Variants in ANKRD44 observed in about 807,000 individuals in gnomAD.
ANKRD44 encodes serine/threonine-protein phosphatase 6 regulatory ankyrin repeat subunit B.
A neutral mutation model predicts 116.0 loss-of-function variants in ANKRD44; 35 were observed. The observed-to-expected ratio is 0.30, with a 90% CI of 0.23 to 0.40. ANKRD44 has a LOEUF of 0.40. ANKRD44 is among the 10% of genes least tolerant of loss of function. The pLI, the probability that ANKRD44 is intolerant of heterozygous loss-of-function variation, is 1.00. For synonymous variants in ANKRD44, 435 were observed against 461.8 expected, an observed-to-expected ratio of 0.94 and a Z score of 0.74; for missense variants, 1,014 against 1,242.6, an observed-to-expected ratio of 0.82 and a Z score of 2.77.
At chr2:197,006,136 AC>A (rs2076197805) in intron 20 of ANKRD44, among the ~76,000 whole-genome samples, 1 of 152,190 alleles carries the variant, frequency 6.6e-6, no homozygotes, top group African/African-American at 2.4e-5. Context: ...GCCTCTCCTG[AC>A]AACTGTGAAA....
At chr2:197,173,500 G>C (rs2125550868) in intron 2 of ANKRD44, among the ~76,000 whole-genome samples, 1 of 152,230 alleles carries the variant, frequency 6.6e-6, no homozygotes, top group Admixed American at 6.5e-5. Flanking sequence ...TTAGAATCTT[G>C]TCAAAAGCCA....
chr2:197,294,943 C>T (rs902322064), intron 1 of ANKRD44, among the ~76,000 whole-genome samples: 1 of 152,062 alleles, frequency 6.6e-6, no homozygotes, highest in Non-Finnish European at 1.5e-5. Context: ...GTTTCTGAGT[C>T]CACATCTGGA....
intron 16 of ANKRD44, among the ~76,000 whole-genome samples, chr2:197,034,083 A>AGAGAGAGAGAGAGAGC (rs1410716481): frequency 6.6e-5 from 10 of 151,730 alleles, no homozygotes; most frequent in Non-Finnish European, 7.4e-5. Flanking sequence ...AGAGAGAGAG[A>AGAGAGAGAGAGAGAGC]GAGCTCATAC....
chr2:197,298,748 C>T (rs1458177447), intron 1 of ANKRD44, among the ~76,000 whole-genome samples: 1 of 152,028 alleles, frequency 6.6e-6, no homozygotes, highest in Non-Finnish European at 1.5e-5. Flanking sequence ...TGAAACTCAT[C>T]TCTACTAAAA....
At chr2:197,126,083 T>TC in intron 4 of ANKRD44, 46 bp from the exon 5 acceptor site, 1 of 1,596,892 alleles carries the variant, frequency 6.3e-7, no homozygotes, top group South Asian at 1.1e-5. Flanking sequence ...AGACGTTCAA[T>TC]CAATACTTAC....
intron 1 of ANKRD44, among the ~76,000 whole-genome samples, chr2:197,290,612 G>T (rs538093186): frequency 6.6e-6 from 1 of 152,222 alleles, no homozygotes; most frequent in East Asian, 1.9e-4. Flanking sequence ...AACAGATCAA[G>T]AAATTCATTC....
At chr2:196,967,312 C>T (rs1215613362) in exon 22 of ANKRD44, 4 of 376,614 alleles carry the variant, frequency 1.1e-5, no homozygotes, top group Middle Eastern at 8.5e-4. Context: ...TTTCCCTTCC[C>T]CAACCGCAGC....
intron 21 of ANKRD44, among the ~76,000 whole-genome samples, chr2:196,976,591 G>T (rs554391771): frequency 6.6e-6 from 1 of 152,282 alleles, no homozygotes; most frequent in South Asian, 2.1e-4. Flanking sequence ...ATCCAGCTGG[G>T]TGCAGTGGCT....
At chr2:197,099,960 G>A (rs945527085) in intron 9 of ANKRD44, 30 bp from the exon 10 acceptor site, 3 of 1,600,956 alleles carry the variant, frequency 1.9e-6, no homozygotes, top group Non-Finnish European at 2.6e-6. Flanking sequence ...ACAGGATAAC[G>A]CAAGGATTCA....
chr2:197,287,837 T>G (rs57050480), intron 1 of ANKRD44, among the ~76,000 whole-genome samples: 6,081 of 151,678 alleles, frequency 0.04, 389 homozygotes, highest in African/African-American at 0.14. Context: ...CTGGCCAACA[T>G]GGTGAAACCC....
Position 197,126,750 on chromosome 2 carries a change from GA to G in ANKRD44, c.262-714del, listed in dbSNP as rs1002775525. ...ATAACAAAACCCCATCTCTAACGAA[GA>G]AAAAAAAAATCGACAAACATATATA... is the stretch of plus-strand genomic sequence containing the variant. On this transcript the variant is annotated intron_variant, in intron 4 of 27. Coordinates refer to ENST00000282272, the MANE Select transcript of ANKRD44 (RefSeq NM_001195144.2). Among the ~76,000 whole-genome samples the G allele has an allele frequency of 3.4e-3, 504 of 148,540 alleles. 2 individuals are homozygous for G. Among genetic ancestry groups the G allele is most frequent in the African/African-American group, 8.5e-3 (345 of 40,530 alleles).
At chr2:197,089,892 G>T in intron 11 of ANKRD44, 58 bp downstream of exon 11, 2 of 1,469,516 alleles carry the variant, frequency 1.4e-6, no homozygotes, top group Non-Finnish European at 1.9e-6. Flanking sequence ...GACACCTGAA[G>T]CCATTGACTC....
chr2:196,992,847 T>A (rs1239549745), intron 27 of ANKRD44: 6 of 152,674 alleles, frequency 3.9e-5, no homozygotes, highest in Admixed American at 2.0e-4. Context: ...TAATACATTA[T>A]AATACTTTAA....
chr2:197,179,938 G>A (rs182557708), intron 2 of ANKRD44, among the ~76,000 whole-genome samples: 9 of 152,304 alleles, frequency 5.9e-5, no homozygotes, highest in South Asian at 2.1e-4. Context: ...CAAGGGGGGC[G>A]TGGATGAGAG....
chr2:197,114,389 T>C (rs552124273), intron 8 of ANKRD44, among the ~76,000 whole-genome samples: 2 of 152,196 alleles, frequency 1.3e-5, no homozygotes, highest in Non-Finnish European at 2.9e-5. Flanking sequence ...TTCTATTGAG[T>C]TAGGCATAAT....
chr2:197,103,999 T>G (rs1230956211), intron 9 of ANKRD44, among the ~76,000 whole-genome samples: 1 of 152,194 alleles, frequency 6.6e-6, no homozygotes, highest in South Asian at 2.1e-4. Context: ...ATCTAGAGAA[T>G]TTACTTAGCA....
chr2:197,122,223 C>G (rs956372118), intron 7 of ANKRD44, among the ~76,000 whole-genome samples: 3 of 152,124 alleles, frequency 2.0e-5, no homozygotes, highest in South Asian at 4.1e-4. Context: ...TGCTCCTGTT[C>G]TACCAGCAGA....
intron 1 of ANKRD44, among the ~76,000 whole-genome samples, chr2:197,222,615 C>G (rs777020144): frequency 7.2e-5 from 11 of 152,086 alleles, no homozygotes; most frequent in Non-Finnish European, 1.5e-4. Flanking sequence ...GGAGAAAGGG[C>G]ATCATCCTCA....
At chr2:197,098,977 A>G (rs1340546408) in intron 10 of ANKRD44, among the ~76,000 whole-genome samples, 2 of 152,014 alleles carry the variant, frequency 1.3e-5, no homozygotes, top group Non-Finnish European at 2.9e-5. Context: ...CTGTCAGGCC[A>G]AGCTCTTCCC....
Sources: allele counts gnomAD v4.1 joint callset (sites outside exome capture counted in the v4.1 genomes callset), GRCh38; gene constraint gnomAD v4.1.1; transcripts MANE v1.5; gene names NCBI Gene and HGNC (gene_info 2026-07-23, HGNC 2026-07-21).